Variants in OTUD4 observed in about 807,000 individuals in gnomAD.
OTUD4 encodes OTU domain-containing protein 4.
OTUD4 carries 24 observed loss-of-function variants against 130.4 expected under a neutral mutation model. That is an observed-to-expected ratio of 0.18 (90% confidence interval 0.13 to 0.26). The LOEUF (loss-of-function observed/expected upper bound fraction) is 0.26, where lower values mean the gene tolerates loss of function less well. Ranked by LOEUF, OTUD4 falls within the 10% of genes least tolerant of loss-of-function variation. The pLI is 1.00. For synonymous variants in OTUD4, 420 were observed against 472.5 expected (o/e 0.89, Z 1.44); for missense variants, 1,031 against 1,329.4 (o/e 0.78, Z 3.49).
At chr4:145,175,510 T>C (rs1307051232) in intron 1 of OTUD4, among the ~76,000 whole-genome samples, 1 of 152,220 alleles carries the variant, frequency 6.6e-6, no homozygotes, top group African/African-American at 2.4e-5. Flanking sequence ...ATGTGGTCTT[T>C]TACCAAAATT....
chr4:145,164,222 CT>C lies in OTUD4; in HGVS notation c.345del (p.Asp116IlefsTer3). On this transcript the variant is annotated frameshift_variant, in exon 5 of 21. Coordinates refer to ENST00000447906, the MANE Select transcript of OTUD4 (RefSeq NM_001366057.1). LOFTEE classifies it high-confidence loss of function. ...TTTGGTTCCCGATAAATTATAAAATCTTTCCTGAAAATAACAATTAGAAATT... is the reference window on the plus strand; with the variant it reads ...TTTGGTTCCCGATAAATTATAAAATCTTCCTGAAAATAACAATTAGAAATT... ...EISALSLMYR[K>X]DFIIYREPNV... 7.7e-7 allele frequency: 1 copy of C among 1,292,496 alleles called. No homozygotes were observed. Among genetic ancestry groups the C allele is most frequent in the Admixed American group, 2.0e-5 (1 of 49,144 alleles). 80.1% of individuals were successfully genotyped at this position (1,292,496 alleles called of 1,614,324 possible).
At chr4:145,161,914 T>C (rs751893214) in intron 6 of OTUD4, among the ~76,000 whole-genome samples, 6 of 152,238 alleles carry the variant, frequency 3.9e-5, no homozygotes, top group African/African-American at 4.8e-5. Flanking sequence ...AAAAAGTTGG[T>C]ATTTACAAGT....
At chr4:145,147,713 A>G (rs974759047) in intron 13 of OTUD4, among the ~76,000 whole-genome samples, 3 of 152,194 alleles carry the variant, frequency 2.0e-5, no homozygotes, top group Non-Finnish European at 4.4e-5. Context: ...AGAGACAATT[A>G]TCAATGAAGA....
chr4:145,151,107 T>A (rs1262930109), intron 11 of OTUD4, among the ~76,000 whole-genome samples: 1 of 152,168 alleles, frequency 6.6e-6, no homozygotes, highest in African/African-American at 2.4e-5. Flanking sequence ...AAAAGCATAT[T>A]TTCTAATTTT....
At chr4:145,147,500 C>T (rs12502109) in intron 13 of OTUD4, among the ~76,000 whole-genome samples, 33,262 of 152,028 alleles carry the variant, frequency 0.22, 4,393 homozygotes, top group East Asian at 0.46. Flanking sequence ...TCACCATCTC[C>T]TATCATCCAA....
intron 3 of OTUD4, among the ~76,000 whole-genome samples, chr4:145,166,697 C>T (rs773500586): frequency 3.3e-5 from 5 of 152,098 alleles, no homozygotes; most frequent in African/African-American, 9.7e-5. Context: ...AAACATTAGT[C>T]GGGCCTGGTG....
intron 5 of OTUD4, among the ~76,000 whole-genome samples, chr4:145,163,636 A>G (rs1751692801): frequency 6.6e-6 from 1 of 152,076 alleles, no homozygotes; most frequent in Admixed American, 6.6e-5. Flanking sequence ...TAAAAGGGTT[A>G]AATACAGTAA....
At chr4:145,165,436 C>T (rs1338998151) in intron 3 of OTUD4, among the ~76,000 whole-genome samples, 1 of 152,034 alleles carries the variant, frequency 6.6e-6, no homozygotes. Context: ...AATGACAGTT[C>T]CTATTGGTGT....
chr4:145,166,215 T>C (rs1349302725), intron 3 of OTUD4, among the ~76,000 whole-genome samples: 2 of 148,788 alleles, frequency 1.3e-5, no homozygotes, highest in Non-Finnish European at 3.0e-5. Flanking sequence ...AATTGGGAAG[T>C]ATAGAAAAGG....
chr4:145,159,842 T>C (rs770942245), intron 6 of OTUD4, among the ~76,000 whole-genome samples: 1 of 152,154 alleles, frequency 6.6e-6, no homozygotes, highest in African/African-American at 2.4e-5. Context: ...TTAAGTAGTT[T>C]AAAATAATCG....
chr4:145,159,959 T>C (rs1017542510), intron 6 of OTUD4, among the ~76,000 whole-genome samples: 1 of 152,328 alleles, frequency 6.6e-6, no homozygotes, highest in East Asian at 1.9e-4. Flanking sequence ...TGAGCAATTA[T>C]TACTACTACA....
chr4:145,170,213 T>C (rs1001471613), intron 3 of OTUD4, among the ~76,000 whole-genome samples: 3 of 152,202 alleles, frequency 2.0e-5, no homozygotes, highest in African/African-American at 4.8e-5. Context: ...TTGATACAGA[T>C]AACCTACAGA....
In OTUD4 at chr4:145,176,108, G is replaced by A. The variant is rs1000369514; in HGVS notation, c.160-1364C>T. Among the ~76,000 whole-genome samples, 16 of 149,172 alleles carry A rather than the reference G, an allele frequency of 1.1e-4. 1 individual carries two copies. Among genetic ancestry groups the A allele is most frequent in the Middle Eastern group, 3.5e-3 (1 of 282 alleles). Reference sequence around the variant, plus strand: ...ACAGGGTTTCACCATGTTGGGCAGGGTGGTCTCAAACTCCTGACCTCAGGT... The same window carrying A: ...ACAGGGTTTCACCATGTTGGGCAGGATGGTCTCAAACTCCTGACCTCAGGT... On this transcript the variant is annotated intron_variant, in intron 1 of 20. Coordinates refer to ENST00000447906, the MANE Select transcript of OTUD4 (RefSeq NM_001366057.1).
At position 145,180,516 on chromosome 4, in the gene OTUD4, G is replaced by C. The variant is rs1322325569; in HGVS notation, c.-543C>G. 6.6e-6 allele frequency among the ~76,000 whole-genome samples: 1 copy of C among 152,248 alleles called. No homozygotes were observed. The highest frequency in any genetic ancestry group is 2.4e-5 in the African/African-American group (1 of 41,474). On this transcript the variant is annotated 5_prime_UTR_variant, in exon 1 of 21. Transcript: ENST00000447906. Reference sequence around the variant, plus strand: ...GCCGGAGGGGCAGGGAGCGGGTGGGGGCGCCCGGGAGAGAACAGCACCTCG... The same window carrying C: ...GCCGGAGGGGCAGGGAGCGGGTGGGCGCGCCCGGGAGAGAACAGCACCTCG...
At chr4:145,159,307 A>G in intron 7 of OTUD4, 196 bp downstream of exon 7, 1 of 1,387,342 alleles carries the variant, frequency 7.2e-7, no homozygotes, top group Non-Finnish European at 9.3e-7. Flanking sequence ...ACCAACTTTC[A>G]AAACAAACAG....
intron 10 of OTUD4, among the ~76,000 whole-genome samples, chr4:145,154,924 G>C (rs1304277726): frequency 6.6e-6 from 1 of 152,180 alleles, no homozygotes; most frequent in Non-Finnish European, 1.5e-5. Flanking sequence ...TTAACAATCA[G>C]CTACTCAAAT....
At chr4:145,158,497 CAAAACAAAAA>C (rs903741113) in intron 7 of OTUD4, among the ~76,000 whole-genome samples, 18 of 141,974 alleles carry the variant, frequency 1.3e-4, no homozygotes, top group African/African-American at 2.9e-4. Flanking sequence ...CAAAACAAAA[CAAAACAAAAA>C]AAAACAAAAA....
intron 14 of OTUD4, among the ~76,000 whole-genome samples, chr4:145,145,782 T>C (rs1750790750): frequency 6.6e-6 from 1 of 152,168 alleles, no homozygotes; most frequent in Non-Finnish European, 1.5e-5. Context: ...TAGAGAACAC[T>C]TCTTTTATCA....
At chr4:145,176,149 G>A (rs1752411316) in intron 1 of OTUD4, among the ~76,000 whole-genome samples, 1 of 151,186 alleles carries the variant, frequency 6.6e-6, no homozygotes, top group East Asian at 2.0e-4. Flanking sequence ...GCCCGCCTGG[G>A]CCTCTCAAAG....
Sources: gnomAD v4.1 joint callset for allele counts (sites outside exome capture counted in the v4.1 genomes callset) on GRCh38, gnomAD v4.1.1 for gene constraint, MANE v1.5 for transcripts, NCBI Gene and HGNC (gene_info 2026-07-23, HGNC 2026-07-21) for gene names.